CORIN: variants seen among roughly 807,000 people sequenced by gnomAD.
The protein encoded by CORIN is corin, serine peptidase.
In CORIN, 117 loss-of-function variants were observed where a neutral mutation model predicts 125.3. The observed-to-expected ratio is 0.93, with a 90% CI of 0.80 to 1.09. CORIN has a LOEUF of 1.09. Ranked by LOEUF, CORIN falls within the 50% of genes least tolerant of loss-of-function variation. The pLI is 0.00. For synonymous variants in CORIN, 450 were observed against 466.4 expected (o/e 0.96, Z 0.45); for missense variants, 1,253 against 1,306.7 (o/e 0.96, Z 0.63).
At chr4:47,727,521 G>A (rs1174690756) in intron 5 of CORIN, among the ~76,000 whole-genome samples, 1 of 152,074 alleles carries the variant, frequency 6.6e-6, no homozygotes, top group Non-Finnish European at 1.5e-5. Context: ...AGAGTCTTAT[G>A]ACTGAAGGAA....
intron 3 of CORIN, among the ~76,000 whole-genome samples, chr4:47,777,348 A>C (rs957332609): frequency 1.3e-5 from 2 of 152,074 alleles, no homozygotes; most frequent in African/African-American, 4.8e-5. Context: ...TAATTCAAAC[A>C]CTGGCCAGGC....
intron 11 of CORIN, among the ~76,000 whole-genome samples, chr4:47,664,086 T>C (rs191425064): frequency 5.9e-5 from 9 of 152,322 alleles, no homozygotes; most frequent in African/African-American, 1.2e-4. Context: ...AACATATGGT[T>C]TCTGCAGTTG....
intron 19 of CORIN, among the ~76,000 whole-genome samples, chr4:47,614,607 T>A (rs1163787695): frequency 6.6e-6 from 1 of 152,200 alleles, no homozygotes; most frequent in East Asian, 1.9e-4. Context: ...AAATGGTGAA[T>A]TGATGTGCGG....
At chr4:47,689,308 A>C (rs927383490) in intron 6 of CORIN, among the ~76,000 whole-genome samples, 1 of 152,168 alleles carries the variant, frequency 6.6e-6, no homozygotes, top group Admixed American at 6.5e-5. Context: ...AGAGATATTC[A>C]CTATTTATTG....
At chr4:47,671,884 C>G (rs763269887) in intron 10 of CORIN, among the ~76,000 whole-genome samples, 1 of 152,162 alleles carries the variant, frequency 6.6e-6, no homozygotes, top group Non-Finnish European at 1.5e-5. Context: ...CCACCGCGCC[C>G]GGCCTATGTG....
chr4:47,699,008 A>G (rs1726164624), intron 5 of CORIN, among the ~76,000 whole-genome samples: 1 of 152,180 alleles, frequency 6.6e-6, no homozygotes, highest in African/African-American at 2.4e-5. Context: ...TCGTGTAAGT[A>G]CACTCTGATG....
chr4:47,778,194 G>A (rs1730384084), intron 3 of CORIN, among the ~76,000 whole-genome samples: 1 of 152,158 alleles, frequency 6.6e-6, no homozygotes, highest in South Asian at 2.1e-4. Flanking sequence ...AAGCTGGAGA[G>A]AAAAAATTTG....
intron 16 of CORIN, among the ~76,000 whole-genome samples, chr4:47,632,748 TAG>T (rs777313858): frequency 8.6e-6 from 1 of 116,398 alleles, no homozygotes; most frequent in African/African-American, 3.5e-5. Flanking sequence ...GATAGATAGA[TAG>T]ATAGATAGAT....
chr4:47,620,756 C>T (rs1177008627), intron 19 of CORIN, among the ~76,000 whole-genome samples: 1 of 152,228 alleles, frequency 6.6e-6, no homozygotes, highest in Admixed American at 6.5e-5. Flanking sequence ...GTTCTTAAAG[C>T]TCTACATAGA....
intron 16 of CORIN, among the ~76,000 whole-genome samples, chr4:47,641,372 C>T (rs183835634): frequency 1.3e-5 from 2 of 152,230 alleles, no homozygotes; most frequent in African/African-American, 4.8e-5. Context: ...AAAAGAAAAA[C>T]CTCACAAAAT....
rs147440172 is a variant in CORIN, at chr4:47,725,049, A to G, written c.799+19353T>C. On this transcript the variant is annotated intron_variant, in intron 5 of 21. Transcript: ENST00000273857. ...TGTTTTAAAATTAGTACCTTTTACA[A>G]TAGCTCTCAAAGTATCTAACAAAAT... Among the ~76,000 whole-genome samples the G allele has an allele frequency of 3.4e-4, 52 of 152,302 alleles. No individual in the cohort carries two copies. In the East Asian group the frequency reaches 8.9e-3, roughly 26 times the overall value.
At chr4:47,792,827 C>A (rs916746947) in intron 2 of CORIN, among the ~76,000 whole-genome samples, 7 of 152,196 alleles carry the variant, frequency 4.6e-5, no homozygotes, top group African/African-American at 1.7e-4. Flanking sequence ...GTGGCTAGTT[C>A]ATCAATTTGG....
At chr4:47,754,342 G>A (rs111371991) in intron 4 of CORIN, among the ~76,000 whole-genome samples, 6 of 152,252 alleles carry the variant, frequency 3.9e-5, no homozygotes, top group Non-Finnish European at 8.8e-5. Flanking sequence ...CAGCCAGGTT[G>A]CCAGAACTCA....
At chr4:47,667,147 G>T (rs1312175867) in intron 10 of CORIN, among the ~76,000 whole-genome samples, 1 of 152,142 alleles carries the variant, frequency 6.6e-6, no homozygotes, top group Admixed American at 6.5e-5. Context: ...CTTTCACTTG[G>T]CTCTCATTCT....
intron 5 of CORIN, among the ~76,000 whole-genome samples, chr4:47,721,744 T>C (rs1051171764): frequency 6.6e-6 from 1 of 152,154 alleles, no homozygotes; most frequent in African/African-American, 2.4e-5. Flanking sequence ...TAAGAACATG[T>C]ATCTAAAGGG....
intron 5 of CORIN, among the ~76,000 whole-genome samples, chr4:47,693,918 T>C (rs1725875463): frequency 6.6e-6 from 1 of 152,234 alleles, no homozygotes; most frequent in Non-Finnish European, 1.5e-5. Flanking sequence ...GTAATGTGCA[T>C]CAAATGCCTT....
intron 2 of CORIN, among the ~76,000 whole-genome samples, chr4:47,796,901 G>C (rs527921205): frequency 6.6e-6 from 1 of 151,994 alleles, no homozygotes; most frequent in South Asian, 2.1e-4. Context: ...CCCAGTTTCT[G>C]TCCCTGTCGT....
At chr4:47,758,926 T>G (rs149560527) in intron 4 of CORIN, among the ~76,000 whole-genome samples, 1 of 152,338 alleles carries the variant, frequency 6.6e-6, no homozygotes, top group East Asian at 1.9e-4. Flanking sequence ...CCCAGTCTCA[T>G]GCAGTCCTTT....
chr4:47,706,352 C>T (rs1726550483), intron 5 of CORIN: 2 of 1,570,230 alleles, frequency 1.3e-6, no homozygotes. Context: ...CGTCTGGCGG[C>T]AGCCATCAGG....
Sources: allele counts gnomAD v4.1 joint callset (sites outside exome capture counted in the v4.1 genomes callset), GRCh38; gene constraint gnomAD v4.1.1; transcripts MANE v1.5; gene names NCBI Gene and HGNC (gene_info 2026-07-23, HGNC 2026-07-21).